KIF16B: variants seen among roughly 807,000 people sequenced by gnomAD.
KIF16B encodes the protein kinesin family member 16B, also known as kinesin-like protein KIF16B.
Under a neutral mutation model 156.3 loss-of-function variants are expected in KIF16B, and 98 were observed. The ratio of observed to expected loss-of-function variants is 0.63; its 90% CI spans 0.53 to 0.74. The LOEUF (loss-of-function observed/expected upper bound fraction) is 0.74. Among genes scored for constraint, KIF16B ranks in the 30% least tolerant of loss-of-function variants. KIF16B has a pLI of 0.00. For missense variants in KIF16B, 1,421 were observed against 1,606.5 expected (o/e 0.88, Z 1.97); for synonymous variants, 564 against 583.7 (o/e 0.97, Z 0.49).
At chr20:16,296,068 CCT>C (rs2063382100) in intron 25 of KIF16B, among the ~76,000 whole-genome samples, 3 of 152,144 alleles carry the variant, frequency 2.0e-5, no homozygotes, top group Admixed American at 6.5e-5. Context: ...CCTTCTCACC[CCT>C]GTTGTGCCAC....
At chr20:16,496,505 A>G (rs1019165840) in intron 11 of KIF16B, among the ~76,000 whole-genome samples, 1 of 152,252 alleles carries the variant, frequency 6.6e-6, no homozygotes, top group Non-Finnish European at 1.5e-5. Context: ...TGAGATTTAT[A>G]TCCAAGCAAA....
Position 16,468,830 on chromosome 20 carries a change from T to A in KIF16B, c.1302+25461A>T, listed in dbSNP as rs79196765. Among the ~76,000 whole-genome samples the A allele has an allele frequency of 7.2e-3, 1,093 of 152,134 alleles. 21 individuals are homozygous for A. Among genetic ancestry groups the A allele is most frequent in the African/African-American group, 0.025 (1,051 of 41,490 alleles). The stretch of plus-strand genomic sequence containing the variant: ...GACATACTTAAATTCAACAGTACTG[T>A]CAATTAAGGGAATCTGATTAACACC... On this transcript the variant is annotated intron_variant, in intron 12 of 25. Transcript: ENST00000354981.
chr20:16,363,104 A>G (rs1386831027), intron 22 of KIF16B, among the ~76,000 whole-genome samples: 1 of 152,220 alleles, frequency 6.6e-6, no homozygotes, highest in East Asian at 1.9e-4. Context: ...GAAAAATCAG[A>G]GGAGGCAGAT....
intron 1 of KIF16B, among the ~76,000 whole-genome samples, chr20:16,552,592 C>T (rs1040328479): frequency 2.0e-5 from 3 of 152,150 alleles, no homozygotes; most frequent in Non-Finnish European, 4.4e-5. Flanking sequence ...GCATCCAGTA[C>T]AACAAAGGCA....
intron 25 of KIF16B, among the ~76,000 whole-genome samples, chr20:16,282,118 G>A (rs2063156115): frequency 1.4e-5 from 2 of 144,440 alleles, no homozygotes; most frequent in Non-Finnish European, 1.5e-5. Context: ...TGCAACCTCC[G>A]CCTCCCAGGT....
chr20:16,409,294 A>G (rs1452253059), intron 15 of KIF16B, among the ~76,000 whole-genome samples: 3 of 152,120 alleles, frequency 2.0e-5, no homozygotes, highest in Admixed American at 6.6e-5. Context: ...GATGCCACCA[A>G]GAATGAGTGA....
intron 12 of KIF16B, among the ~76,000 whole-genome samples, chr20:16,452,420 T>C (rs939870772): frequency 1.3e-5 from 2 of 150,846 alleles, no homozygotes; most frequent in African/African-American, 4.9e-5. Flanking sequence ...AAAAAAACTA[T>C]TGTTTCTCAG....
intron 25 of KIF16B, among the ~76,000 whole-genome samples, chr20:16,293,235 GAGTTCTAT>G (rs1021442405): frequency 2.0e-5 from 3 of 152,314 alleles, no homozygotes; most frequent in Middle Eastern, 3.4e-3. Context: ...TACCAGAGTA[GAGTTCTAT>G]AGGTTCAGAA....
intron 15 of KIF16B, among the ~76,000 whole-genome samples, chr20:16,418,622 G>A (rs1425802185): frequency 1.3e-5 from 2 of 152,102 alleles, no homozygotes; most frequent in East Asian, 3.9e-4. Flanking sequence ...AATCTACAGG[G>A]TGCACAGTGA....
chr20:16,367,271 C>T (rs1163427853), intron 22 of KIF16B: 2 of 1,612,850 alleles, frequency 1.2e-6, no homozygotes, highest in Non-Finnish European at 8.5e-7. Context: ...AACAACTGGA[C>T]ATTTGGGGCT....
chr20:16,323,291 A>G (rs894390530), intron 24 of KIF16B, among the ~76,000 whole-genome samples: 1 of 151,948 alleles, frequency 6.6e-6, no homozygotes, highest in African/African-American at 2.4e-5. Flanking sequence ...TTGCAAGTAA[A>G]CCCACCTACA....
intron 25 of KIF16B, among the ~76,000 whole-genome samples, chr20:16,286,239 G>T (rs1450906029): frequency 6.6e-6 from 1 of 152,210 alleles, no homozygotes; most frequent in African/African-American, 2.4e-5. Context: ...ACAAGCAAGT[G>T]TATCACTTTA....
intron 1 of KIF16B, among the ~76,000 whole-genome samples, chr20:16,537,970 T>G (rs1477810957): frequency 2.0e-5 from 3 of 152,190 alleles, no homozygotes; most frequent in African/African-American, 7.2e-5. Flanking sequence ...TCCCAAAGTG[T>G]TAGGGTTACA....
At chr20:16,543,882 A>T (rs913943970) in intron 1 of KIF16B, among the ~76,000 whole-genome samples, 1 of 152,226 alleles carries the variant, frequency 6.6e-6, no homozygotes, top group African/African-American at 2.4e-5. Context: ...CTACAGAGTC[A>T]GCATTGTAAA....
At chr20:16,331,715 A>G (rs968225752) in intron 24 of KIF16B, among the ~76,000 whole-genome samples, 2 of 152,162 alleles carry the variant, frequency 1.3e-5, no homozygotes, top group African/African-American at 4.8e-5. Flanking sequence ...ATAGTCACCC[A>G]TGAGAGGAAA....
intron 15 of KIF16B, among the ~76,000 whole-genome samples, chr20:16,426,116 T>C (rs548958535): frequency 1.4e-4 from 21 of 152,244 alleles, no homozygotes; most frequent in Admixed American, 9.8e-4. Context: ...TCCTCCAATA[T>C]TGGGAATTAC....
At chr20:16,400,459 T>G (rs2065622833) in intron 17 of KIF16B, among the ~76,000 whole-genome samples, 1 of 152,090 alleles carries the variant, frequency 6.6e-6, no homozygotes, top group South Asian at 2.1e-4. Context: ...AGCAGTTCCT[T>G]GAAAATTAAA....
Position 16,272,272 on chromosome 20 carries a change from C to A in KIF16B, c.*981G>T, listed in dbSNP as rs1052634. On this transcript the variant is annotated 3_prime_UTR_variant, in exon 26 of 26. Transcript: ENST00000354981. ...AGAATTATATACATTTGAGTATATA[C>A]CACATACATATTTTTTCCACTCACA... is the stretch of plus-strand genomic sequence containing the variant. 37,022 of 152,360 alleles carry A rather than the reference C, an allele frequency of 0.24. 5,309 individuals carry two copies. The highest frequency in any genetic ancestry group is 0.59 in the East Asian group (3,061 of 5,166). 9.4% of individuals were successfully genotyped at this position (152,360 alleles called of 1,614,324 possible).
chr20:16,317,315 A>G (rs920446548), intron 24 of KIF16B, among the ~76,000 whole-genome samples: 4 of 152,218 alleles, frequency 2.6e-5, no homozygotes, highest in African/African-American at 7.2e-5. Flanking sequence ...ACAGTGTCCT[A>G]TATTTAAAGA....
Sources: allele counts gnomAD v4.1 joint callset (sites outside exome capture counted in the v4.1 genomes callset), GRCh38; gene constraint gnomAD v4.1.1; transcripts MANE v1.5; gene names NCBI Gene and HGNC (gene_info 2026-07-23, HGNC 2026-07-21).